Variants in KLHL1 observed in about 807,000 individuals in gnomAD.
The protein encoded by KLHL1 is kelch-like protein 1.
KLHL1 carries 47 observed loss-of-function variants against 77.7 expected under a neutral mutation model. The observed-to-expected ratio is 0.60, with a 90% CI of 0.48 to 0.77. The LOEUF is 0.77. KLHL1 is among the 30% of genes least tolerant of loss of function. KLHL1 has a pLI of 0.00. For missense variants in KLHL1, 925 were observed against 910.8 expected, an observed-to-expected ratio of 1.02 and a Z score of -0.20; for synonymous variants, 360 against 325.2, an observed-to-expected ratio of 1.11 and a Z score of -1.15.
chr13:69,981,935 T>G (rs939654269), intron 1 of KLHL1, among the ~76,000 whole-genome samples: 7 of 144,174 alleles, frequency 4.9e-5, no homozygotes, highest in African/African-American at 2.0e-4. Context: ...ACTATTAAAA[T>G]AATAACTTTT....
At chr13:69,715,360 C>A (rs961119196) in intron 9 of KLHL1, among the ~76,000 whole-genome samples, 1 of 152,020 alleles carries the variant, frequency 6.6e-6, no homozygotes, top group African/African-American at 2.4e-5. Context: ...GGTTTTATAA[C>A]TGTTTGGCAA....
chr13:69,955,577 A>G (rs1021207662), intron 3 of KLHL1, among the ~76,000 whole-genome samples: 4 of 151,146 alleles, frequency 2.6e-5, no homozygotes, highest in Non-Finnish European at 4.4e-5. Context: ...TTAGAACTCT[A>G]TTTTCTTACA....
At chr13:69,966,063 C>T (rs959416457) in intron 2 of KLHL1, among the ~76,000 whole-genome samples, 22 of 152,234 alleles carry the variant, frequency 1.4e-4, no homozygotes, top group African/African-American at 4.8e-4. Flanking sequence ...ATGTCAAAAA[C>T]ATCAATTAAT....
intron 7 of KLHL1, among the ~76,000 whole-genome samples, chr13:69,743,703 T>C (rs1874078778): frequency 6.6e-6 from 1 of 151,884 alleles, no homozygotes; most frequent in African/African-American, 2.4e-5. Flanking sequence ...GGAGAATTGC[T>C]TCAACCTGGG....
At chr13:69,872,565 T>A (rs1382244273) in intron 5 of KLHL1, among the ~76,000 whole-genome samples, 1 of 152,134 alleles carries the variant, frequency 6.6e-6, no homozygotes, top group East Asian at 1.9e-4. Context: ...CATCTCTACA[T>A]GCAATGATGC....
At chr13:70,036,716 G>A (rs978952173) in intron 1 of KLHL1, among the ~76,000 whole-genome samples, 1 of 149,746 alleles carries the variant, frequency 6.7e-6, no homozygotes, top group Admixed American at 6.6e-5. Context: ...AAATTTCCTT[G>A]TTTAAATTTG....
chr13:70,084,463 T>TC (rs1403253907), intron 1 of KLHL1, among the ~76,000 whole-genome samples: 1 of 126,646 alleles, frequency 7.9e-6, no homozygotes, highest in East Asian at 2.2e-4. Context: ...TTCTTCTTCT[T>TC]CTTTTTTTTT....
At chr13:70,092,031 G>A (rs918792802) in intron 1 of KLHL1, among the ~76,000 whole-genome samples, 34 of 152,052 alleles carry the variant, frequency 2.2e-4, no homozygotes, top group Non-Finnish European at 4.6e-4. Context: ...CCAATAAGAA[G>A]CCAGACCTTC....
intron 6 of KLHL1, among the ~76,000 whole-genome samples, chr13:69,802,490 A>G (rs1345834726): frequency 2.0e-5 from 3 of 152,064 alleles, no homozygotes; most frequent in African/African-American, 4.8e-5. Flanking sequence ...AAAAGAAGTA[A>G]AAACTAAAAG....
chr13:70,102,800 T>C (rs1265852257), intron 1 of KLHL1, among the ~76,000 whole-genome samples: 1 of 152,214 alleles, frequency 6.6e-6, no homozygotes, highest in Non-Finnish European at 1.5e-5. Context: ...CATATAAATA[T>C]TCAACATGCT....
intron 1 of KLHL1, among the ~76,000 whole-genome samples, chr13:70,058,864 CAT>C (rs1281870727): frequency 1.3e-5 from 2 of 152,142 alleles, no homozygotes; most frequent in African/African-American, 4.8e-5. Context: ...AAAACAGACA[CAT>C]AGACCAATGG....
At chr13:69,735,750 T>G in intron 8 of KLHL1, among the ~76,000 whole-genome samples, 1 of 151,732 alleles carries the variant, frequency 6.6e-6, no homozygotes, top group East Asian at 1.9e-4. Flanking sequence ...TCCCACATCT[T>G]TCTCAAATTA....
intron 1 of KLHL1, among the ~76,000 whole-genome samples, chr13:69,976,435 G>T (rs1884547097): frequency 6.6e-6 from 1 of 151,822 alleles, no homozygotes; most frequent in Non-Finnish European, 1.5e-5. Context: ...ATTTTGGAAA[G>T]TCCATGATAC....
intron 3 of KLHL1, 133 bp downstream of exon 3, chr13:69,961,175 T>C (rs1884051924): frequency 1.4e-6 from 1 of 718,798 alleles, no homozygotes; most frequent in Non-Finnish European, 2.2e-6. Context: ...GTCTGATTTT[T>C]GATCTACTAG....
chr13:69,834,270 G>C (rs1436245221), intron 6 of KLHL1, among the ~76,000 whole-genome samples: 1 of 151,334 alleles, frequency 6.6e-6, no homozygotes, highest in Non-Finnish European at 1.5e-5. Flanking sequence ...ATTGGGGGGA[G>C]AAAAAATGAA....
chr13:69,848,297 G>A lies in KLHL1; in HGVS notation c.1228-9135C>T, dbSNP rs568021743. Among the ~76,000 whole-genome samples, 5 of 151,638 alleles carry A rather than the reference G, an allele frequency of 3.3e-5. No individual in the cohort carries two copies. In the East Asian group the frequency reaches 9.7e-4, roughly 30 times the overall value. ...CCAAAGCTCGTAGCACTTCATTAGT[G>A]ACTATTTGAGTAGATGTGATTGCCA... is the stretch of plus-strand genomic sequence containing the variant. On this transcript the variant is annotated intron_variant, in intron 5 of 10. Transcript: ENST00000377844.
intron 6 of KLHL1, among the ~76,000 whole-genome samples, chr13:69,836,240 T>C (rs1317189384): frequency 1.3e-5 from 2 of 151,996 alleles, no homozygotes; most frequent in Non-Finnish European, 1.5e-5. Flanking sequence ...AAATTGCAGC[T>C]CAGGGCAATC....
chr13:70,052,349 TTTAAG>T (rs1886649576), intron 1 of KLHL1, among the ~76,000 whole-genome samples: 1 of 151,816 alleles, frequency 6.6e-6, no homozygotes, highest in Admixed American at 6.6e-5. Flanking sequence ...AAAAAAAATA[TTTAAG>T]TTATCTATCA....
intron 6 of KLHL1, among the ~76,000 whole-genome samples, chr13:69,799,720 C>T (rs1460300603): frequency 1.3e-5 from 2 of 152,184 alleles, no homozygotes; most frequent in East Asian, 3.9e-4. Context: ...GCTGCCATGG[C>T]TCTGTTCCTT....
Sources: gnomAD v4.1 joint callset for allele counts (sites outside exome capture counted in the v4.1 genomes callset) on GRCh38, gnomAD v4.1.1 for gene constraint, MANE v1.5 for transcripts, NCBI Gene and HGNC (gene_info 2026-07-23, HGNC 2026-07-21) for gene names.